The following TRAPPC9 variants were observed in gnomAD, a reference collection of about 807,000 sequenced individuals.
TRAPPC9 encodes IKK2 binding protein.
TRAPPC9 carries 83 observed loss-of-function variants against 124.0 expected under a neutral mutation model. The ratio of observed to expected loss-of-function variants is 0.67; its 90% CI spans 0.56 to 0.80. The LOEUF is 0.80. Ranked by LOEUF, TRAPPC9 falls within the 30% of genes least tolerant of loss-of-function variation. The pLI, the probability that TRAPPC9 is intolerant of heterozygous loss-of-function variation, is 0.00. For synonymous variants in TRAPPC9, 638 were observed against 617.5 expected, an observed-to-expected ratio of 1.03 and a Z score of -0.49; for missense variants, 1,302 against 1,508.3, an observed-to-expected ratio of 0.86 and a Z score of 2.27.
At chr8:140,045,695 T>C (rs1181285787) in intron 17 of TRAPPC9, among the ~76,000 whole-genome samples, 1 of 139,696 alleles carries the variant, frequency 7.2e-6, no homozygotes, top group African/African-American at 2.7e-5. Flanking sequence ...TGGAGAACAC[T>C]ATACATCCTA....
intron 18 of TRAPPC9, among the ~76,000 whole-genome samples, chr8:139,994,701 T>G (rs938650142): frequency 1.2e-4 from 19 of 152,130 alleles, no homozygotes; most frequent in African/African-American, 4.6e-4. Flanking sequence ...TCAGATCTGA[T>G]GGTAAACAAG....
At chr8:139,844,720 G>T (rs1225312999) in intron 21 of TRAPPC9, among the ~76,000 whole-genome samples, 1 of 152,280 alleles carries the variant, frequency 6.6e-6, no homozygotes, top group Non-Finnish European at 1.5e-5. Context: ...CTTTGGGACA[G>T]TCTGGGGAAA....
At position 140,227,390 on chromosome 8, in the gene TRAPPC9, C is replaced by T. The variant is rs180744121; in HGVS notation, c.2432-5807G>A. The stretch of plus-strand genomic sequence containing the variant: ...AAAAAAAGTTACAAACAGATGAAGG[C>T]GGCCTAGTAGGAGGACTAAAGAGTT... On this transcript the variant is annotated intron_variant, in intron 16 of 22. Transcript: ENST00000438773. Among the ~76,000 whole-genome samples, 41 of 152,152 alleles carry T rather than the reference C, an allele frequency of 2.7e-4. No homozygotes were observed. The East Asian group carries it at 3.7e-3, about 14-fold the overall frequency.
intron 17 of TRAPPC9, among the ~76,000 whole-genome samples, chr8:140,069,389 G>A (rs1339352139): frequency 6.6e-6 from 1 of 152,116 alleles, no homozygotes; most frequent in Non-Finnish European, 1.5e-5. Flanking sequence ...TTAAACGGCG[G>A]GGGTGGAATT....
chr8:139,796,889 A>G (rs1390630995), intron 21 of TRAPPC9, among the ~76,000 whole-genome samples: 1 of 152,216 alleles, frequency 6.6e-6, no homozygotes, highest in Non-Finnish European at 1.5e-5. Context: ...CAGTTTCTCC[A>G]CATCCTCAGC....
At chr8:139,760,096 AGTGT>A (rs1340680066) in intron 21 of TRAPPC9, among the ~76,000 whole-genome samples, 1 of 152,110 alleles carries the variant, frequency 6.6e-6, no homozygotes, top group Non-Finnish European at 1.5e-5. Flanking sequence ...GTGTGTTGTG[AGTGT>A]GTGAGTGTAT....
intron 17 of TRAPPC9, among the ~76,000 whole-genome samples, chr8:140,080,480 C>T (rs1372095666): frequency 6.6e-6 from 1 of 152,152 alleles, no homozygotes; most frequent in Admixed American, 6.5e-5. Flanking sequence ...CCATGGGCTG[C>T]GTCAAGATGT....
At chr8:139,940,846 C>A (rs1189607523) in intron 19 of TRAPPC9, among the ~76,000 whole-genome samples, 1 of 152,240 alleles carries the variant, frequency 6.6e-6, no homozygotes, top group Non-Finnish European at 1.5e-5. Flanking sequence ...CACTCTTCCA[C>A]ACAGAGGGAG....
intron 15 of TRAPPC9, among the ~76,000 whole-genome samples, chr8:140,271,980 T>C (rs2064900971): frequency 7.4e-6 from 1 of 134,258 alleles, no homozygotes; most frequent in Non-Finnish European, 1.6e-5. Flanking sequence ...ATGGCAGTAA[T>C]GGTGGTGGTG....
At chr8:139,755,541 A>T (rs1563788597) in intron 21 of TRAPPC9, among the ~76,000 whole-genome samples, 2 of 141,940 alleles carry the variant, frequency 1.4e-5, no homozygotes, top group Admixed American at 7.0e-5. Context: ...GGGTTTGGGG[A>T]TGAGGACAGC....
intron 21 of TRAPPC9, among the ~76,000 whole-genome samples, chr8:139,883,599 A>C (rs943346767): frequency 6.6e-6 from 1 of 152,156 alleles, no homozygotes; most frequent in East Asian, 1.9e-4. Context: ...TAATTTCCCC[A>C]CTATTGTAAA....
chr8:139,813,850 G>A (rs1398488719), intron 21 of TRAPPC9, among the ~76,000 whole-genome samples: 3 of 152,164 alleles, frequency 2.0e-5, no homozygotes, highest in African/African-American at 7.2e-5. Context: ...CAGGGCAGAG[G>A]TGACGGCACC....
Position 140,380,654 on chromosome 8 carries a change from CAA to C in TRAPPC9, c.1135-9476_1135-9475del, listed in dbSNP as rs563391017. On this transcript the variant is annotated intron_variant, in intron 7 of 22. Transcript: ENST00000438773. ...TGGGTGACAAAGAGAGACTCTGTCTCAAAAAAAAAAAAAAAAAAAAAAAAAGA... is the reference window on the plus strand; with the variant it reads ...TGGGTGACAAAGAGAGACTCTGTCTCAAAAAAAAAAAAAAAAAAAAAAAGA... Among the ~76,000 whole-genome samples, 329 of 48,556 alleles carry C rather than the reference CAA, an allele frequency of 6.8e-3. 1 individual carries two copies. Among genetic ancestry groups the C allele is most frequent in the South Asian group, 0.018 (20 of 1,110 alleles). 31.9% of individuals were successfully genotyped at this position (48,556 alleles called of 152,430 possible).
At chr8:140,101,618 G>A (rs767005328) in intron 17 of TRAPPC9, among the ~76,000 whole-genome samples, 8 of 128,074 alleles carry the variant, frequency 6.2e-5, no homozygotes, top group Non-Finnish European at 1.3e-4. Context: ...TCTCGGCTCA[G>A]TGCAACCTCC....
intron 21 of TRAPPC9, among the ~76,000 whole-genome samples, chr8:139,750,739 G>A (rs994456002): frequency 6.6e-6 from 1 of 152,194 alleles, no homozygotes; most frequent in Admixed American, 6.5e-5. Flanking sequence ...GATGAGTCCC[G>A]TGGGACCATT....
intron 21 of TRAPPC9, among the ~76,000 whole-genome samples, chr8:139,772,337 C>T (rs1486698313): frequency 6.6e-6 from 1 of 152,224 alleles, no homozygotes; most frequent in African/African-American, 2.4e-5. Flanking sequence ...CACATCACCT[C>T]ATGGGAACCC....
intron 21 of TRAPPC9, among the ~76,000 whole-genome samples, chr8:139,822,307 T>G (rs901500400): frequency 5.3e-5 from 8 of 151,850 alleles, no homozygotes; most frequent in Non-Finnish European, 1.2e-4. Context: ...GTTACTGGGG[T>G]CAGTGACATA....
At chr8:140,339,563 C>A (rs1380671397) in intron 9 of TRAPPC9, among the ~76,000 whole-genome samples, 1 of 152,200 alleles carries the variant, frequency 6.6e-6, no homozygotes, top group African/African-American at 2.4e-5. Flanking sequence ...TAAAGTCTCA[C>A]CTCCCAACTC....
intron 17 of TRAPPC9, among the ~76,000 whole-genome samples, chr8:140,189,236 G>GT (rs1203477310): frequency 7.2e-5 from 11 of 152,206 alleles, no homozygotes; most frequent in Non-Finnish European, 1.2e-4. Flanking sequence ...CCAAGGAACA[G>GT]TTTCCCTGCT....
Sources: gnomAD v4.1 joint callset for allele counts (sites outside exome capture counted in the v4.1 genomes callset) on GRCh38, gnomAD v4.1.1 for gene constraint, MANE v1.5 for transcripts, NCBI Gene and HGNC (gene_info 2026-07-23, HGNC 2026-07-21) for gene names.